PCGF3: variants seen among roughly 807,000 people sequenced by gnomAD.
PCGF3 encodes polycomb group ring finger 3.
Under a neutral mutation model 33.1 loss-of-function variants are expected in PCGF3, and 7 were observed. The ratio of observed to expected loss-of-function variants is 0.21; its 90% CI spans 0.12 to 0.40. The LOEUF is 0.40. Among genes scored for constraint, PCGF3 ranks in the 10% least tolerant of loss-of-function variants. The probability of loss-of-function intolerance (pLI) is 1.00; values close to 1 mark genes in which losing one functional copy is unlikely to be tolerated. For missense variants in PCGF3, 211 were observed against 313.3 expected (o/e 0.67, Z 2.46); for synonymous variants, 153 against 121.3 (o/e 1.26, Z -1.72).
chr4:754,044 C>T (rs954745451), intron 8 of PCGF3, among the ~76,000 whole-genome samples: 1 of 152,200 alleles, frequency 6.6e-6, no homozygotes, highest in Admixed American at 6.5e-5. Flanking sequence ...TCCTGGCACC[C>T]ACAGACCCAG....
At chr4:769,771 C>G (rs1745544795) in exon 11 of PCGF3, 2 of 135,138 alleles carry the variant, frequency 1.5e-5, no homozygotes, top group African/African-American at 8.0e-5. Context: ...CTATCAGACG[C>G]ATTTTCCCAG....
intron 3 of PCGF3, 85 bp from the exon 4 acceptor site, chr4:733,587 C>A: frequency 7.0e-7 from 1 of 1,419,644 alleles, no homozygotes; most frequent in Non-Finnish European, 9.5e-7. Context: ...GCACTGTCCT[C>A]CCTGGGGGCG....
intron 1 of PCGF3, among the ~76,000 whole-genome samples, chr4:726,793 C>T (rs907431281): frequency 2.6e-5 from 4 of 152,110 alleles, no homozygotes; most frequent in East Asian, 1.9e-4. Context: ...CTAAGATACA[C>T]ACTAAAATTC....
chr4:717,091 GA>G (rs1180577133), intron 1 of PCGF3, among the ~76,000 whole-genome samples: 14 of 114,326 alleles, frequency 1.2e-4, no homozygotes, highest in South Asian at 3.9e-4. Context: ...TGTGAGAACT[GA>G]GCGTCGGTGC....
intron 9 of PCGF3, 165 bp downstream of exon 9, chr4:761,581 G>A: frequency 1.1e-6 from 1 of 883,196 alleles, no homozygotes; most frequent in Non-Finnish European, 1.4e-6. Context: ...ATAGGAGACA[G>A]CCCTAAGGGT....
chr4:734,666 T>A, intron 4 of PCGF3: 3 of 1,295,582 alleles, frequency 2.3e-6, no homozygotes, highest in South Asian at 2.1e-5. Context: ...GAGCATCATC[T>A]CCCCATTCTA....
chr4:709,653 A>T (rs1037906850), intron 1 of PCGF3, among the ~76,000 whole-genome samples: 4 of 152,258 alleles, frequency 2.6e-5, no homozygotes, highest in Non-Finnish European at 4.4e-5. Flanking sequence ...TGGGCAGTAC[A>T]ATGAGGTGTA....
exon 11 of PCGF3, chr4:767,622 G>A (rs1156799877): frequency 1.3e-5 from 2 of 152,178 alleles, no homozygotes; most frequent in East Asian, 1.9e-4. Flanking sequence ...TTATCTTAGG[G>A]ATGAGAAAAA....
At chr4:766,385 C>T (rs1745375190) in exon 11 of PCGF3, 3 of 281,136 alleles carry the variant, frequency 1.1e-5, no homozygotes, top group Non-Finnish European at 2.0e-5. Context: ...CTGACACGAG[C>T]TCCCTCTGCT....
chr4:713,220 C>G (rs1451366570), intron 1 of PCGF3, among the ~76,000 whole-genome samples: 2 of 130,882 alleles, frequency 1.5e-5, no homozygotes, highest in Non-Finnish European at 3.3e-5. Flanking sequence ...GGGGCTGTGG[C>G]CTTGTGGGTC....
intron 1 of PCGF3, among the ~76,000 whole-genome samples, chr4:723,399 A>T (rs982389426): frequency 6.6e-6 from 1 of 152,020 alleles, no homozygotes; most frequent in Admixed American, 6.5e-5. Context: ...GATCTGGAAG[A>T]TGCCCTTGGG....
chr4:769,538 T>A (rs890184082), exon 11 of PCGF3: 6 of 152,682 alleles, frequency 3.9e-5, no homozygotes, highest in African/African-American at 1.4e-4. Flanking sequence ...TAAATTGAGA[T>A]AAGTAGATTA....
intron 8 of PCGF3, among the ~76,000 whole-genome samples, chr4:748,562 A>G (rs1744372448): frequency 6.6e-6 from 1 of 152,220 alleles, no homozygotes; most frequent in Non-Finnish European, 1.5e-5. Flanking sequence ...AGAAATAGAC[A>G]CGTGTGTCCA....
intron 1 of PCGF3, among the ~76,000 whole-genome samples, chr4:715,627 CACTT>C (rs1305410310): frequency 9.5e-6 from 1 of 104,800 alleles, no homozygotes; most frequent in Non-Finnish European, 2.0e-5. Flanking sequence ...ACCCTGTAGA[CACTT>C]AGTGTGAGAA....
intron 5 of PCGF3, among the ~76,000 whole-genome samples, chr4:735,494 G>A (rs1029020390): frequency 3.3e-5 from 5 of 152,134 alleles, no homozygotes; most frequent in Non-Finnish European, 7.4e-5. Context: ...TGCAGTAAGC[G>A]GAGATTGCGC....
intron 6 of PCGF3, among the ~76,000 whole-genome samples, chr4:738,663 C>A (rs534523125): frequency 6.8e-6 from 1 of 146,480 alleles, no homozygotes; most frequent in East Asian, 2.0e-4. Flanking sequence ...GCCAGACCAA[C>A]ATAGTGAAAC....
intron 8 of PCGF3, among the ~76,000 whole-genome samples, chr4:758,436 G>C (rs1744878325): frequency 1.5e-5 from 2 of 137,018 alleles, no homozygotes; most frequent in South Asian, 4.7e-4. Context: ...CCCCTCTCCC[G>C]AGTTCTTCTC....
At chr4:750,800 C>T (rs370093652) in intron 8 of PCGF3, among the ~76,000 whole-genome samples, 2 of 151,662 alleles carry the variant, frequency 1.3e-5, no homozygotes, top group South Asian at 2.1e-4. Flanking sequence ...ATGGTTCTTA[C>T]GTAGTTTTGA....
chr4:734,757 C>G, intron 4 of PCGF3, 174 bp from the exon 5 acceptor site: 1 of 1,397,856 alleles, frequency 7.2e-7, no homozygotes, highest in East Asian at 2.7e-5. Context: ...CTCATTGCTC[C>G]TGAGACCAGA....
Sources: allele counts gnomAD v4.1 joint callset (sites outside exome capture counted in the v4.1 genomes callset), GRCh38; gene constraint gnomAD v4.1.1; transcripts MANE v1.5; gene names NCBI Gene and HGNC (gene_info 2026-07-23, HGNC 2026-07-21).